The following ABCB5 variants were observed in gnomAD, a reference collection of about 807,000 sequenced individuals.
The protein encoded by ABCB5 is ATP-binding cassette sub-family B member 5.
ABCB5 carries 155 observed loss-of-function variants against 144.2 expected under a neutral mutation model. That is an observed-to-expected ratio of 1.08 (90% CI 0.94 to 1.23). The LOEUF (loss-of-function observed/expected upper bound fraction) is 1.23, where lower values mean the gene tolerates loss of function less well. ABCB5 is among the 50% of genes most tolerant of loss of function. The pLI, the probability that ABCB5 is intolerant of heterozygous loss-of-function variation, is 0.00. For synonymous variants in ABCB5, 610 were observed against 528.6 expected (o/e 1.15, Z -2.11); for missense variants, 1,830 against 1,520.8 (o/e 1.20, Z -3.38).
intron 2 of ABCB5, among the ~76,000 whole-genome samples, chr7:20,624,267 T>C (rs979579479): frequency 7.9e-4 from 120 of 152,202 alleles, no homozygotes; most frequent in Non-Finnish European, 2.2e-4. Flanking sequence ...ACAGGAAGCA[T>C]TGTAACTGTA....
chr7:20,686,057 A>G (rs1287077285), intron 16 of ABCB5, among the ~76,000 whole-genome samples: 2 of 152,310 alleles, frequency 1.3e-5, no homozygotes, highest in East Asian at 3.9e-4. Context: ...TATTGGGGAA[A>G]AAAAAATCTC....
At chr7:20,744,086 A>T (rs1053150473) in intron 25 of ABCB5, among the ~76,000 whole-genome samples, 1 of 151,518 alleles carries the variant, frequency 6.6e-6, no homozygotes, top group Admixed American at 6.6e-5. Flanking sequence ...TTTTTTTGAG[A>T]CAGAGTCTTG....
intron 21 of ABCB5, among the ~76,000 whole-genome samples, chr7:20,726,190 G>A (rs935034714): frequency 2.0e-5 from 3 of 152,140 alleles, no homozygotes; most frequent in African/African-American, 7.2e-5. Flanking sequence ...TGAATTAAAT[G>A]TCTTTTTACA....
rs1376380163 is a variant in ABCB5, at chr7:20,727,086, C to T, written c.2672C>T (p.Thr891Ile). 1 of 1,613,444 alleles carries T rather than the reference C, an allele frequency of 6.2e-7. No homozygotes were observed. Among genetic ancestry groups the T allele is most frequent in the Non-Finnish European group, 8.5e-7 (1 of 1,179,742 alleles). Residue 891 changes from threonine (T) to isoleucine (I), a missense_variant, in exon 22 of 28, where the codon ACA becomes ATA. Physicochemically the swap from Thr to Ile is moderately conservative, Grantham distance 89. Coordinates refer to ENST00000404938, the MANE Select transcript of ABCB5 (RefSeq NM_001163941.2). ...LENIRTIVSLTREKAFEQMYE... is the reference protein window; with the variant it reads ...LENIRTIVSLIREKAFEQMYE... ...AATATACGTACTATAGTGTCATTAACAAGGGAAAAAGCCTTCGAGCAAATG... is the reference window on the plus strand; with the variant it reads ...AATATACGTACTATAGTGTCATTAATAAGGGAAAAAGCCTTCGAGCAAATG...
intron 9 of ABCB5, among the ~76,000 whole-genome samples, chr7:20,646,856 T>G (rs1003751251): frequency 6.6e-6 from 1 of 152,242 alleles, no homozygotes; most frequent in East Asian, 1.9e-4. Context: ...TTAAGACTTT[T>G]AGCTATTCAT....
chr7:20,691,261 C>T (rs1352208887), intron 16 of ABCB5, among the ~76,000 whole-genome samples: 4 of 129,242 alleles, frequency 3.1e-5, no homozygotes, highest in African/African-American at 1.1e-4. Context: ...CTCGGCTCAC[C>T]GCAAACTCCG....
At chr7:20,740,425 A>G (rs186228410) in intron 24 of ABCB5, among the ~76,000 whole-genome samples, 69 of 152,292 alleles carry the variant, frequency 4.5e-4, no homozygotes, top group Middle Eastern at 3.4e-3. Flanking sequence ...ATGACAGCTT[A>G]AAATACAGCA....
At position 20,707,801 on chromosome 7, in the gene ABCB5, C is replaced by CT. The variant is rs67014566; in HGVS notation, c.2421+3016dup. On this transcript the variant is annotated intron_variant, in intron 20 of 27. Transcript: ENST00000404938. ...TACCTGGACAATGGTAACCTCATTT[C>CT]TTTTTTTTTTTTTTTTTTTTTTGAG... Among the ~76,000 whole-genome samples, 56 of 93,044 alleles carry CT rather than the reference C, an allele frequency of 6.0e-4. 1 individual carries two copies. Among genetic ancestry groups the CT allele is most frequent in the Non-Finnish European group, 9.3e-4 (46 of 49,584 alleles). The allele number at this position is 93,044 out of a possible 152,430, so 61.0% of individuals were successfully genotyped here.
chr7:20,645,289 A>G (rs1382741762), intron 7 of ABCB5, among the ~76,000 whole-genome samples: 1 of 152,232 alleles, frequency 6.6e-6, no homozygotes, highest in Non-Finnish European at 1.5e-5. Flanking sequence ...GAAAATAATG[A>G]GTATTATTCC....
Position 20,681,036 on chromosome 7 carries a change from CTT to C in ABCB5, c.1708-467_1708-466del, listed in dbSNP as rs1490760740. Among the ~76,000 whole-genome samples, 115 of 120,472 alleles carry C rather than the reference CTT, an allele frequency of 9.5e-4. 8 individuals carry two copies. Among genetic ancestry groups the C allele is most frequent in the African/African-American group, 3.2e-3 (91 of 28,066 alleles). The allele number at this position is 120,472 out of a possible 152,430, so 79.0% of individuals were successfully genotyped here. A position where few individuals can be genotyped will look rare whatever the true frequency, so the allele number is the denominator to read the frequency against. The stretch of plus-strand genomic sequence containing the variant: ...TTTCTTTCTTTCTTTCTTTCTTTCT[CTT>C]TCTTTCTTTCTCTCTCTCTCTCTTT... On this transcript the variant is annotated intron_variant, in intron 14 of 27. Transcript: ENST00000404938.
At chr7:20,707,801 CTTT>C (rs67014566) in intron 20 of ABCB5, among the ~76,000 whole-genome samples, 147 of 93,058 alleles carry the variant, frequency 1.6e-3, no homozygotes, top group African/African-American at 3.6e-3. Context: ...AACCTCATTT[CTTT>C]TTTTTTTTTT....
At chr7:20,744,011 C>A (rs528645554) in intron 25 of ABCB5, among the ~76,000 whole-genome samples, 2 of 152,246 alleles carry the variant, frequency 1.3e-5, no homozygotes, top group South Asian at 2.1e-4. Flanking sequence ...TCACTCCCCA[C>A]GTCATCATGC....
intron 16 of ABCB5, 126 bp downstream of exon 16, chr7:20,685,962 C>A: frequency 9.6e-7 from 1 of 1,041,178 alleles, no homozygotes; most frequent in South Asian, 2.4e-5. Context: ...CAAAACATGT[C>A]TTTCCCAAAT....
intron 11 of ABCB5, 91 bp downstream of exon 11, chr7:20,648,169 T>C: frequency 2.5e-6 from 2 of 806,890 alleles, no homozygotes; most frequent in South Asian, 3.6e-5. Flanking sequence ...TTAGGATCAC[T>C]TTTTTCCAAG....
chr7:20,707,325 G>C (rs968645010), intron 20 of ABCB5, among the ~76,000 whole-genome samples: 1 of 152,122 alleles, frequency 6.6e-6, no homozygotes, highest in East Asian at 1.9e-4. Flanking sequence ...ATAAAAACAT[G>C]CTAGTGAAAT....
rs66625014 is a variant in ABCB5 at position 20,714,798 on chromosome 7, AC to A, written c.2422-8217del. On this transcript the variant is annotated intron_variant, in intron 20 of 27. Coordinates refer to ENST00000404938, the MANE Select transcript of ABCB5 (RefSeq NM_001163941.2). ...TTCGTAGAAAGTTCTTGTGTCCCAA[AC>A]AAAAAACTCAAATAGAGAAGCCTGT... 6.7e-3 allele frequency among the ~76,000 whole-genome samples: 1,014 copies of A among 152,312 alleles called. 9 individuals are homozygous for A. The highest frequency in any genetic ancestry group is 0.031 in the Middle Eastern group (9 of 294).
At chr7:20,707,696 C>T (rs1197395923) in intron 20 of ABCB5, among the ~76,000 whole-genome samples, 1 of 152,000 alleles carries the variant, frequency 6.6e-6, no homozygotes, top group Non-Finnish European at 1.5e-5. Context: ...TAATATGTTG[C>T]CCAAATAAAT....
intron 1 of ABCB5, among the ~76,000 whole-genome samples, chr7:20,618,719 T>C (rs1783741097): frequency 6.6e-6 from 1 of 151,940 alleles, no homozygotes; most frequent in African/African-American, 2.4e-5. Flanking sequence ...CCAGCTGCAT[T>C]TATGTTGCTA....
chr7:20,687,626 C>T (rs1786044892), intron 16 of ABCB5, among the ~76,000 whole-genome samples: 2 of 152,160 alleles, frequency 1.3e-5, no homozygotes, highest in Admixed American at 6.5e-5. Flanking sequence ...CAACCAAGAA[C>T]CGAAATAAGC....
Sources: allele counts gnomAD v4.1 joint callset (sites outside exome capture counted in the v4.1 genomes callset), GRCh38; gene constraint gnomAD v4.1.1; transcripts MANE v1.5; gene names NCBI Gene and HGNC (gene_info 2026-07-23, HGNC 2026-07-21).